MBD5: variants seen among roughly 807,000 people sequenced by gnomAD.
The protein encoded by MBD5 is methyl-CpG-binding domain protein 5.
MBD5 carries 13 observed loss-of-function variants against 117.3 expected under a neutral mutation model. That is an observed-to-expected ratio of 0.11 (90% CI 0.07 to 0.18). The LOEUF (loss-of-function observed/expected upper bound fraction) is 0.18, where lower values mean the gene tolerates loss of function less well. Ranked by LOEUF, MBD5 falls within the 10% of genes least tolerant of loss-of-function variation. MBD5 has a pLI of 1.00. For synonymous variants in MBD5, 727 were observed against 766.4 expected (o/e 0.95, Z 0.85); for missense variants, 1,879 against 2,093.8 (o/e 0.90, Z 2.00).
intron 4 of MBD5, among the ~76,000 whole-genome samples, chr2:148,429,763 A>C (rs539131003): frequency 6.6e-6 from 1 of 152,128 alleles, no homozygotes; most frequent in Non-Finnish European, 1.5e-5. Flanking sequence ...ACCAAACACC[A>C]TATGTTCTCA....
At position 148,516,299 on chromosome 2, in the gene MBD5, G is replaced by A. The variant is rs936461943; in HGVS notation, c.*3358G>A. 2.0e-5 allele frequency: 3 copies of A among 152,278 alleles called. No homozygotes were observed. Among genetic ancestry groups the A allele is most frequent in the Non-Finnish European group, 2.9e-5 (2 of 68,020 alleles). 9.4% of individuals were successfully genotyped at this position (152,278 alleles called of 1,614,324 possible). On this transcript the variant is annotated 3_prime_UTR_variant, in exon 14 of 14. Transcript: ENST00000642680. ...TATGCATTAAGATTTTAAAATCTAA[G>A]ATGCTTAAGATGTTGGTGGCATTGC...
chr2:148,252,347 C>A (rs1224946095), intron 3 of MBD5, among the ~76,000 whole-genome samples: 1 of 151,984 alleles, frequency 6.6e-6, no homozygotes, highest in Non-Finnish European at 1.5e-5. Context: ...GTAGTCCCAG[C>A]TACTGGGGAG....
intron 3 of MBD5, among the ~76,000 whole-genome samples, chr2:148,243,060 A>G (rs1253013168): frequency 6.6e-6 from 1 of 152,134 alleles, no homozygotes; most frequent in Non-Finnish European, 1.5e-5. Context: ...AAGCCCATCA[A>G]TCACGTAAAC....
intron 1 of MBD5, among the ~76,000 whole-genome samples, chr2:148,043,175 C>G (rs1476438642): frequency 6.6e-6 from 1 of 151,728 alleles, no homozygotes; most frequent in Non-Finnish European, 1.5e-5. Context: ...CCTGTAATCC[C>G]AGCACTTTGG....
At chr2:148,213,347 A>G (rs910026402) in intron 2 of MBD5, among the ~76,000 whole-genome samples, 13 of 152,160 alleles carry the variant, frequency 8.5e-5, no homozygotes, top group Non-Finnish European at 2.9e-5. Context: ...TTTATTTTAA[A>G]TATAAGCTAA....
At chr2:148,385,016 G>A (rs1461640677) in intron 4 of MBD5, among the ~76,000 whole-genome samples, 4 of 152,174 alleles carry the variant, frequency 2.6e-5, no homozygotes, top group African/African-American at 9.7e-5. Flanking sequence ...AACCCTAGAA[G>A]AAAACCTAGG....
chr2:148,401,047 C>T (rs1460223420), intron 4 of MBD5, among the ~76,000 whole-genome samples: 1 of 152,100 alleles, frequency 6.6e-6, no homozygotes, highest in Non-Finnish European at 1.5e-5. Flanking sequence ...TCATCTAGCT[C>T]TTGTTTTGTC....
intron 3 of MBD5, among the ~76,000 whole-genome samples, chr2:148,284,657 T>C (rs950822681): frequency 2.0e-5 from 3 of 152,206 alleles, no homozygotes; most frequent in Admixed American, 2.0e-4. Flanking sequence ...CTGCCACCTT[T>C]AAGATGCTGG....
intron 1 of MBD5, among the ~76,000 whole-genome samples, chr2:148,043,893 T>C (rs1263564965): frequency 6.6e-6 from 1 of 152,216 alleles, no homozygotes. Context: ...CTGCAGTTAT[T>C]TAAGTGTTTA....
chr2:148,169,485 A>C (rs1343445430), intron 1 of MBD5, among the ~76,000 whole-genome samples: 1 of 152,196 alleles, frequency 6.6e-6, no homozygotes, highest in Non-Finnish European at 1.5e-5. Context: ...AGGTGTTTGC[A>C]TACAAGTTAC....
chr2:148,039,451 T>A (rs1340128317), intron 1 of MBD5, among the ~76,000 whole-genome samples: 1 of 152,164 alleles, frequency 6.6e-6, no homozygotes, highest in Non-Finnish European at 1.5e-5. Context: ...GCTCTTCTGA[T>A]GTACTTAAGT....
chr2:148,086,862 G>A (rs577582753), intron 1 of MBD5, among the ~76,000 whole-genome samples: 4 of 152,146 alleles, frequency 2.6e-5, no homozygotes, highest in East Asian at 1.9e-4. Context: ...TTACTACCTC[G>A]CCTTTATCTT....
chr2:148,457,165 T>C (rs1354803894), intron 4 of MBD5, among the ~76,000 whole-genome samples: 1 of 152,190 alleles, frequency 6.6e-6, no homozygotes, highest in African/African-American at 2.4e-5. Context: ...AACACAGTTT[T>C]TCAGAGTATA....
intron 2 of MBD5, among the ~76,000 whole-genome samples, chr2:148,212,603 T>C (rs1192838945): frequency 6.6e-6 from 1 of 152,196 alleles, no homozygotes; most frequent in Non-Finnish European, 1.5e-5. Context: ...TGTATGTATA[T>C]ATGTGTATGT....
In MBD5 at chr2:148,197,391, T is replaced by C. The variant is rs149131724; in HGVS notation, c.-831+18598T>C. On this transcript the variant is annotated intron_variant, in intron 2 of 13. Coordinates refer to ENST00000642680, the MANE Select transcript of MBD5 (RefSeq NM_001378120.1). ...AAATTTTTAAACAAACTAATGATTG[T>C]TTGTTATGCAGCAGTAATTAATTAG... 2.4e-3 allele frequency among the ~76,000 whole-genome samples: 369 copies of C among 152,290 alleles called. 2 individuals carry two copies. The highest frequency in any genetic ancestry group is 8.3e-3 in the African/African-American group (343 of 41,562).
At chr2:148,416,259 C>A (rs898847809) in intron 4 of MBD5, among the ~76,000 whole-genome samples, 2 of 152,168 alleles carry the variant, frequency 1.3e-5, no homozygotes, top group African/African-American at 4.8e-5. Flanking sequence ...GGGCTGCATG[C>A]TGTAACTTTA....
At chr2:148,175,328 ATT>A (rs1558959068) in intron 1 of MBD5, among the ~76,000 whole-genome samples, 1 of 152,120 alleles carries the variant, frequency 6.6e-6, no homozygotes, top group Non-Finnish European at 1.5e-5. Flanking sequence ...AAAACCACAA[ATT>A]TATATCTCAG....
intron 3 of MBD5, among the ~76,000 whole-genome samples, chr2:148,290,845 A>T (rs910566929): frequency 1.3e-5 from 2 of 152,178 alleles, no homozygotes; most frequent in African/African-American, 4.8e-5. Context: ...TTATGTGAAT[A>T]TATATTTTCA....
chr2:148,170,350 T>A (rs189700473), intron 1 of MBD5, among the ~76,000 whole-genome samples: 310 of 152,356 alleles, frequency 2.0e-3, no homozygotes, highest in African/African-American at 6.9e-3. Context: ...CAGGCTAAAA[T>A]TATTCTCTGT....
Sources: gnomAD v4.1 joint callset for allele counts (sites outside exome capture counted in the v4.1 genomes callset) on GRCh38, gnomAD v4.1.1 for gene constraint, MANE v1.5 for transcripts, NCBI Gene and HGNC (gene_info 2026-07-23, HGNC 2026-07-21) for gene names.